Variants in FCRLA observed in about 807,000 individuals in gnomAD.
The protein encoded by FCRLA is Fc receptor-like A.
A neutral mutation model predicts 28.4 loss-of-function variants in FCRLA; 26 were observed. The ratio of observed to expected loss-of-function variants is 0.91; its 90% CI spans 0.67 to 1.27. The LOEUF is 1.27. FCRLA is among the 50% of genes most tolerant of loss of function. FCRLA has a pLI of 0.00. For synonymous variants in FCRLA, 174 were observed against 168.5 expected (o/e 1.03, Z -0.25); for missense variants, 422 against 433.1 (o/e 0.97, Z 0.23).
chr1:161,710,322 A>G, intron 1 of FCRLA: 4 of 679,130 alleles, frequency 5.9e-6, no homozygotes, highest in East Asian at 2.7e-5. Flanking sequence ...ACCTACCTGG[A>G]AAGTTTGTGA....
rs573019152 is a variant in FCRLA at position 161,711,921 on chromosome 1, A to G, written c.500-13A>G. 17 of 1,597,382 alleles carry G rather than the reference A, an allele frequency of 1.1e-5. No homozygotes were observed. In the East Asian group the frequency reaches 1.8e-4, roughly 17 times the overall value. On this transcript the variant is annotated splice_polypyrimidine_tract_variant and intron_variant, in intron 3 of 4. Transcript: ENST00000236938. ...ATGGCTGAGCTCTTCTTTCCTGCCT[A>G]TCTTTTTCCCAGAACTGTTTCCAGC...
At chr1:161,708,068 C>T (rs1282834546) in intron 1 of FCRLA, among the ~76,000 whole-genome samples, 2 of 152,134 alleles carry the variant, frequency 1.3e-5, no homozygotes, top group African/African-American at 4.8e-5. Context: ...TGCTTTTGAG[C>T]TTCACATTCA....
At chr1:161,711,056 A>G (rs1379150008) in intron 2 of FCRLA, 144 bp downstream of exon 2, 2 of 1,431,464 alleles carry the variant, frequency 1.4e-6, no homozygotes, top group East Asian at 4.6e-5. Flanking sequence ...AGGGTGCTCT[A>G]AGTCCTAGGC....
intron 2 of FCRLA, 111 bp downstream of exon 2, chr1:161,711,023 C>A: frequency 6.7e-7 from 1 of 1,492,852 alleles, no homozygotes; most frequent in South Asian, 1.3e-5. Context: ...TACTTCCTTC[C>A]CAGTCTTCAG....
chr1:161,712,971 C>A, intron 4 of FCRLA, 114 bp from the exon 5 acceptor site: 1 of 1,204,052 alleles, frequency 8.3e-7, no homozygotes, highest in Non-Finnish European at 1.2e-6. Flanking sequence ...CAAGTCCCTG[C>A]TGCCATTGGG....
Position 161,711,453 on chromosome 1 carries a change from G to C in FCRLA, c.478G>C (p.Val160Leu), listed in dbSNP as rs1449100441. 6.2e-7 allele frequency: 1 copy of C among 1,614,010 alleles called. No individual in the cohort carries two copies. The highest frequency in any genetic ancestry group is 8.5e-7 in the Non-Finnish European group (1 of 1,179,910). Residue 160 changes from valine (V) to leucine (L), a missense_variant, in exon 3 of 5, where the codon GTT becomes CTT. By Grantham distance (32) the Val-to-Leu change is conservative. This residue lies in a region of FCRLA where 231 missense variants were observed against 214.6 expected (regional missense o/e 1.08). Coordinates refer to ENST00000236938, the MANE Select transcript of FCRLA (RefSeq NM_032738.4). ...TCCTGGGATCCCAGAAACAGCATCT[G>C]TTGTGGCTATCACAGTCCAAGGTGA... ...PGPGIPETAS[V>L]VAITVQELFP...
In FCRLA at chr1:161,712,040, T is replaced by C. The variant is rs1169516152; in HGVS notation, c.606T>C (p.Ala202=). 6.2e-7 allele frequency: 1 copy of C among 1,614,080 alleles called. No individual in the cohort carries two copies. Among genetic ancestry groups the C allele is most frequent in the East Asian group, 2.2e-5 (1 of 44,896 alleles). The change falls in exon 4 of 5, where the codon GCT becomes GCC. Residue 202 remains alanine (A), a synonymous_variant. Coordinates refer to ENST00000236938, the MANE Select transcript of FCRLA (RefSeq NM_032738.4). ...CQTKLPLQRS[A]ARLLFSFYKD... is the part of the protein sequence containing the mutation. ...CAAAGTTGCCCCTGCAGAGGTCAGC[T>C]GCCCGCCTCCTCTTCTCCTTCTACA...
Position 161,711,259 on chromosome 1 carries a change from T to A in FCRLA, c.284T>A (p.Leu95Gln). The change falls in exon 3 of 5, where the codon CTG (leucine) becomes CAG (glutamine). Residue 95 changes from leucine to glutamine, a missense_variant. Leu to Gln is a moderately radical substitution (Grantham distance 113, BLOSUM62 -2). Coordinates refer to ENST00000236938, the MANE Select transcript of FCRLA (RefSeq NM_032738.4). ...PAKPVFEGDL[L>Q]VLRCQAWQDW... Reference sequence around the variant, plus strand: ...AAGCCAGTTTTTGAAGGGGACCTGCTGGTTCTGCGCTGCCAGGCCTGGCAA... The same window carrying A: ...AAGCCAGTTTTTGAAGGGGACCTGCAGGTTCTGCGCTGCCAGGCCTGGCAA... 1.2e-6 allele frequency: 2 copies of A among 1,614,222 alleles called. No homozygotes were observed. Among genetic ancestry groups the A allele is most frequent in the South Asian group, 2.2e-5 (2 of 91,088 alleles).
intron 2 of FCRLA, 31 bp downstream of exon 2, chr1:161,710,943 C>T (rs1683070066): frequency 1.2e-6 from 2 of 1,608,686 alleles, no homozygotes; most frequent in African/African-American, 2.7e-5. Context: ...GAGCAGTGCC[C>T]CAAACCCCTT....
At chr1:161,711,569 T>A in intron 3 of FCRLA, 95 bp downstream of exon 3, 2 of 1,458,142 alleles carry the variant, frequency 1.4e-6, no homozygotes, top group Non-Finnish European at 1.8e-6. Flanking sequence ...AGCAAGATCA[T>A]CAACAGACTA....
chr1:161,709,105 A>C (rs1309100445), intron 1 of FCRLA, among the ~76,000 whole-genome samples: 1 of 152,104 alleles, frequency 6.6e-6, no homozygotes, highest in African/African-American at 2.4e-5. Flanking sequence ...GTGAGTTCCC[A>C]GTAACCCAAC....
chr1:161,710,869 G>GGCCTACACTTTA lies in FCRLA; in HGVS notation c.200_201insAGCCTACACTTT (p.Thr66_Phe67insLeuAlaTyrThr). The GGCCTACACTTTA allele has an allele frequency of 6.2e-7, 1 of 1,613,744 alleles. No homozygotes were observed. The highest frequency in any genetic ancestry group is 8.5e-7 in the Non-Finnish European group (1 of 1,180,016). On this transcript the variant is annotated inframe_insertion, in exon 2 of 5. Transcript: ENST00000236938. ...CAAGGGAAGCTGGCTTCCAGGTCAA[G>GGCCTACACTTTA]GCCTACACTTTCAGTGAACCCTTCC... is the stretch of plus-strand genomic sequence containing the variant.
At chr1:161,710,450 C>T (rs1298924230) in intron 1 of FCRLA, 3 of 1,549,954 alleles carry the variant, frequency 1.9e-6, no homozygotes, top group East Asian at 2.4e-5. Flanking sequence ...TTACCATTGT[C>T]TTTGCTCCTG....
intron 4 of FCRLA, 73 bp from the exon 5 acceptor site, chr1:161,713,012 A>G: frequency 6.6e-7 from 1 of 1,507,946 alleles, no homozygotes; most frequent in Non-Finnish European, 8.9e-7. Context: ...AACAAGAAAG[A>G]TTGGCCAGGG....
chr1:161,711,856 C>T (rs1683116750), intron 3 of FCRLA, 78 bp from the exon 4 acceptor site: 1 of 1,491,526 alleles, frequency 6.7e-7, no homozygotes, highest in African/African-American at 1.4e-5. Flanking sequence ...AGTATGACTC[C>T]CCAAGTCTCT....
chr1:161,710,390 A>G, intron 1 of FCRLA: 1 of 1,300,972 alleles, frequency 7.7e-7, no homozygotes, highest in South Asian at 1.3e-5. Flanking sequence ...AGTGAACATT[A>G]GAATCTGATG....
intron 1 of FCRLA, among the ~76,000 whole-genome samples, chr1:161,708,348 G>T (rs1240227897): frequency 6.6e-6 from 1 of 152,204 alleles, no homozygotes; most frequent in Non-Finnish European, 1.5e-5. Flanking sequence ...CATAGAAGCA[G>T]TCCCTTGCCT....
In FCRLA at chr1:161,712,046, C is replaced by T. The variant is rs776972199; in HGVS notation, c.612C>T (p.Arg204=). ...TGCCCCTGCAGAGGTCAGCTGCCCG[C>T]CTCCTCTTCTCCTTCTACAAGGATG... The part of the protein sequence containing the change: ...TKLPLQRSAA[R]LLFSFYKDGR... The change falls in exon 4 of 5, where the codon CGC becomes CGT. Residue 204 remains arginine (R), a synonymous_variant. Coordinates refer to ENST00000236938, the MANE Select transcript of FCRLA (RefSeq NM_032738.4). 5 of 1,614,220 alleles carry T rather than the reference C, an allele frequency of 3.1e-6. No homozygotes were observed. Among genetic ancestry groups the T allele is most frequent in the Non-Finnish European group, 4.2e-6 (5 of 1,180,050 alleles).
In FCRLA at chr1:161,711,494, T is replaced by C. The variant is rs1250181037; in HGVS notation, c.499+20T>C. The C allele has an allele frequency of 3.7e-6, 6 of 1,602,072 alleles. No homozygotes were observed. Among genetic ancestry groups the C allele is most frequent in the South Asian group, 3.3e-5 (3 of 89,590 alleles). ...TCCAAGGTGAGAGCTAGAAGCAGCA[T>C]TGTCATGGCAGGGGAGGGTAAGGAG... On this transcript the variant is annotated intron_variant, in intron 3 of 4. Coordinates refer to ENST00000236938, the MANE Select transcript of FCRLA (RefSeq NM_032738.4).
Sources: gnomAD v4.1 joint callset for allele counts (sites outside exome capture counted in the v4.1 genomes callset) on GRCh38, gnomAD v4.1.1 for gene constraint, gnomAD v4.1.1 regional missense constraint, MANE v1.5 for transcripts, NCBI Gene and HGNC (gene_info 2026-07-23, HGNC 2026-07-21) for gene names.